The following RGS5 variants were observed in gnomAD, a reference collection of about 807,000 sequenced individuals.
RGS5 encodes the protein regulator of G protein signaling 5.
RGS5 carries 20 observed loss-of-function variants against 18.9 expected under a neutral mutation model. That is an observed-to-expected ratio of 1.06 (90% CI 0.74 to 1.54). RGS5 has a LOEUF of 1.54. Ranked by LOEUF, RGS5 falls within the 40% of genes most tolerant of loss-of-function variation. RGS5 has a pLI of 0.00. For missense variants in RGS5, 201 were observed against 211.8 expected (o/e 0.95, Z 0.32); for synonymous variants, 57 against 76.2 (o/e 0.75, Z 1.31).
intron 2 of RGS5, among the ~76,000 whole-genome samples, chr1:163,249,434 C>A (rs1441544851): frequency 5.3e-5 from 8 of 152,142 alleles, no homozygotes; most frequent in Admixed American, 5.2e-4. Flanking sequence ...AACCTTTTGC[C>A]AAACCGTTAA....
At position 163,144,168 on chromosome 1, in the gene RGS5, G is replaced by A. The variant is rs1399118094; in HGVS notation, c.*3174C>T. The A allele has an allele frequency of 6.6e-6, 1 of 152,068 alleles. No individual in the cohort carries two copies. Among genetic ancestry groups the A allele is most frequent in the Non-Finnish European group, 1.5e-5 (1 of 68,002 alleles). The allele number at this position is 152,068 out of a possible 1,614,324, so 9.4% of individuals were successfully genotyped here. ...AAAGCAAAGTTACTGAAATGCCTCA[G>A]TTAGTTCTGCATTTTAAAAGGTGTC... On this transcript the variant is annotated 3_prime_UTR_variant, in exon 5 of 5. Transcript: ENST00000313961.
chr1:163,251,493 G>T (rs1648105692), intron 2 of RGS5, among the ~76,000 whole-genome samples: 1 of 152,098 alleles, frequency 6.6e-6, no homozygotes, highest in African/African-American at 2.4e-5. Flanking sequence ...TTTTCTTGTG[G>T]ATTCTTAATG....
At chr1:163,269,211 AC>A (rs1163087066) in intron 2 of RGS5, among the ~76,000 whole-genome samples, 1 of 152,174 alleles carries the variant, frequency 6.6e-6, no homozygotes, top group East Asian at 1.9e-4. Flanking sequence ...ACAAGTGTAC[AC>A]ATATATGAAA....
chr1:163,197,977 A>C (rs1659634971), intron 1 of RGS5, among the ~76,000 whole-genome samples: 1 of 152,064 alleles, frequency 6.6e-6, no homozygotes, highest in Non-Finnish European at 1.5e-5. Context: ...TTAATCCTGA[A>C]AACCCAGGAA....
At chr1:163,289,553 T>C (rs1649229097) in intron 2 of RGS5, among the ~76,000 whole-genome samples, 1 of 152,144 alleles carries the variant, frequency 6.6e-6, no homozygotes, top group Non-Finnish European at 1.5e-5. Flanking sequence ...GCTCAATATA[T>C]TTCTGTTCCA....
intron 1 of RGS5, among the ~76,000 whole-genome samples, chr1:163,317,215 A>G (rs1056031677): frequency 2.0e-5 from 3 of 152,142 alleles, no homozygotes; most frequent in African/African-American, 7.2e-5. Context: ...TAAATCAGAG[A>G]CTGGCATCCC....
chr1:163,271,215 C>T (rs536844764), intron 2 of RGS5, among the ~76,000 whole-genome samples: 1 of 152,206 alleles, frequency 6.6e-6, no homozygotes, highest in East Asian at 1.9e-4. Flanking sequence ...TTGTATCTGG[C>T]ACCCTTGACA....
chr1:163,284,028 C>T (rs1649069660), intron 2 of RGS5, among the ~76,000 whole-genome samples: 1 of 152,154 alleles, frequency 6.6e-6, no homozygotes, highest in African/African-American at 2.4e-5. Context: ...ATTTAAGTTG[C>T]TGTTTATGGT....
At chr1:163,161,674 C>T (rs745634221) in intron 3 of RGS5, 2 of 428,470 alleles carry the variant, frequency 4.7e-6, no homozygotes, top group Non-Finnish European at 8.7e-6. Context: ...GATGGGAACA[C>T]AACTGCAATC....
chr1:163,311,716 C>A (rs12092455), intron 1 of RGS5, among the ~76,000 whole-genome samples: 3,377 of 152,068 alleles, frequency 0.022, 42 homozygotes, highest in African/African-American at 0.03. Context: ...GTTCTTGGTG[C>A]CCCAAAACAA....
chr1:163,203,172 T>C (rs1659849020), upstream of RGS5: 2 of 192,122 alleles, frequency 1.0e-5, no homozygotes, highest in Non-Finnish European at 2.1e-5. Flanking sequence ...CATTGGTTGT[T>C]TGAACTCCTA....
chr1:163,279,630 C>T (rs1648941370), intron 2 of RGS5, among the ~76,000 whole-genome samples: 1 of 151,648 alleles, frequency 6.6e-6, no homozygotes, highest in South Asian at 2.1e-4. Context: ...AGCAGCCAAC[C>T]CCAAAATTTG....
At chr1:163,253,994 G>A (rs1367801545) in intron 2 of RGS5, among the ~76,000 whole-genome samples, 2 of 151,320 alleles carry the variant, frequency 1.3e-5, no homozygotes, top group African/African-American at 4.9e-5. Flanking sequence ...CATTTTTTAT[G>A]GCTGCATAGT....
At chr1:163,213,780 C>T (rs910633228) in intron 1 of RGS5, among the ~76,000 whole-genome samples, 15 of 152,138 alleles carry the variant, frequency 9.9e-5, no homozygotes, top group African/African-American at 3.6e-4. Context: ...CAGGGGAAAG[C>T]CCCCCTGAAT....
At chr1:163,156,963 G>A (rs953862183) in intron 3 of RGS5, among the ~76,000 whole-genome samples, 3 of 152,098 alleles carry the variant, frequency 2.0e-5, no homozygotes, top group Admixed American at 6.6e-5. Flanking sequence ...GGAAATTATG[G>A]TTGCCTGTGA....
intron 2 of RGS5, among the ~76,000 whole-genome samples, chr1:163,299,997 G>A (rs1020162820): frequency 6.6e-6 from 1 of 152,126 alleles, no homozygotes; most frequent in Non-Finnish European, 1.5e-5. Flanking sequence ...AGGGTATTAG[G>A]TCCTACTTTC....
chr1:163,194,133 T>G (rs956870150), intron 1 of RGS5, among the ~76,000 whole-genome samples: 1 of 152,168 alleles, frequency 6.6e-6, no homozygotes, highest in Non-Finnish European at 1.5e-5. Context: ...TTTTTCTTCA[T>G]AGAATTCACC....
chr1:163,285,047 A>C (rs1419912239), intron 2 of RGS5, among the ~76,000 whole-genome samples: 1 of 152,088 alleles, frequency 6.6e-6, no homozygotes. Context: ...AAACCACCAG[A>C]TCTCATGAGA....
At chr1:163,289,006 C>A (rs966564626) in intron 2 of RGS5, among the ~76,000 whole-genome samples, 5 of 152,144 alleles carry the variant, frequency 3.3e-5, no homozygotes, top group African/African-American at 9.7e-5. Flanking sequence ...ATGGCCTCAT[C>A]ACCTCTTTCC....
Sources: allele counts gnomAD v4.1 joint callset (sites outside exome capture counted in the v4.1 genomes callset), GRCh38; gene constraint gnomAD v4.1.1; transcripts MANE v1.5; gene names NCBI Gene and HGNC (gene_info 2026-07-23, HGNC 2026-07-21).